Variants in TNIK observed in about 807,000 individuals in gnomAD.
The protein encoded by TNIK is TRAF2 and NCK-interacting protein kinase.
In TNIK, 49 loss-of-function variants were observed where a neutral mutation model predicts 191.3. The observed-to-expected ratio is 0.26, with a 90% CI of 0.20 to 0.32. TNIK has a LOEUF of 0.32. TNIK is among the 10% of genes least tolerant of loss of function. The probability of loss-of-function intolerance (pLI) is 1.00; values close to 1 mark genes in which losing one functional copy is unlikely to be tolerated. For missense variants in TNIK, 1,155 were observed against 1,702.3 expected (o/e 0.68, Z 5.66); for synonymous variants, 594 against 600.9 (o/e 0.99, Z 0.17).
chr3:171,307,990 G>A (rs1560406533), intron 2 of TNIK, among the ~76,000 whole-genome samples: 1 of 151,962 alleles, frequency 6.6e-6, no homozygotes, highest in East Asian at 1.9e-4. Flanking sequence ...TGTTAAATTG[G>A]CCATCCTATC....
chr3:171,275,846 G>A (rs557929186), intron 2 of TNIK, among the ~76,000 whole-genome samples: 5 of 152,126 alleles, frequency 3.3e-5, no homozygotes, highest in South Asian at 2.1e-4. Context: ...GCAGTGAGCC[G>A]AGATCGTGCC....
At chr3:171,397,230 A>G (rs1720368709) in intron 1 of TNIK, among the ~76,000 whole-genome samples, 1 of 152,142 alleles carries the variant, frequency 6.6e-6, no homozygotes, top group Admixed American at 6.5e-5. Context: ...TGATTTTCCT[A>G]CTCAACACTT....
At chr3:171,337,972 G>GA (rs1452100138) in intron 2 of TNIK, among the ~76,000 whole-genome samples, 1 of 152,168 alleles carries the variant, frequency 6.6e-6, no homozygotes, top group Admixed American at 6.5e-5. Flanking sequence ...AAGCAGAAGG[G>GA]AGAGAAGCTG....
intron 1 of TNIK, among the ~76,000 whole-genome samples, chr3:171,409,343 G>A (rs933699706): frequency 2.0e-5 from 3 of 152,002 alleles, no homozygotes; most frequent in South Asian, 2.1e-4. Context: ...CAAAGTGTCC[G>A]GCACATGGAA....
intron 14 of TNIK, among the ~76,000 whole-genome samples, 175 bp from the exon 15 acceptor site, chr3:171,138,554 TTGTGTTAGTATCTACACAAGAA>T (rs1278334945): frequency 1.8e-4 from 28 of 152,048 alleles, no homozygotes; most frequent in African/African-American, 6.8e-4. Context: ...AGCTACTGCC[TTGTGTTAGTATCTACACAAGAA>T]TGTGTCATTT....
At chr3:171,097,576 A>ACAT (rs898930137) in intron 22 of TNIK, among the ~76,000 whole-genome samples, 1 of 152,124 alleles carries the variant, frequency 6.6e-6, no homozygotes, top group African/African-American at 2.4e-5. Flanking sequence ...AAATCTCAGG[A>ACAT]CATCTGATGG....
intron 2 of TNIK, among the ~76,000 whole-genome samples, chr3:171,237,155 T>C (rs1473480559): frequency 6.6e-6 from 1 of 152,114 alleles, no homozygotes; most frequent in African/African-American, 2.4e-5. Flanking sequence ...TTCCCAGCTA[T>C]CATTCTTGGG....
intron 2 of TNIK, among the ~76,000 whole-genome samples, chr3:171,234,449 G>A (rs144352507): frequency 7.4e-4 from 113 of 152,268 alleles, no homozygotes; most frequent in African/African-American, 2.7e-3. Context: ...GACTCAGGAT[G>A]GTGCCCAAGC....
intron 23 of TNIK, among the ~76,000 whole-genome samples, chr3:171,089,473 C>T (rs1164788789): frequency 6.6e-6 from 1 of 152,144 alleles, no homozygotes; most frequent in African/African-American, 2.4e-5. Flanking sequence ...TTTGGCCTCT[C>T]TTGTATCAGC....
At chr3:171,114,740 G>A (rs1160320596) in intron 18 of TNIK, among the ~76,000 whole-genome samples, 1 of 152,096 alleles carries the variant, frequency 6.6e-6, no homozygotes, top group Non-Finnish European at 1.5e-5. Context: ...AGTGATCATT[G>A]GTAAACTTAA....
chr3:171,361,786 A>G (rs1219530909), intron 2 of TNIK, among the ~76,000 whole-genome samples: 1 of 152,202 alleles, frequency 6.6e-6, no homozygotes, highest in Non-Finnish European at 1.5e-5. Context: ...TTACATGTAC[A>G]TAGGAATTTA....
At chr3:171,234,741 G>A (rs1744057784) in intron 2 of TNIK, among the ~76,000 whole-genome samples, 1 of 152,200 alleles carries the variant, frequency 6.6e-6, no homozygotes, top group Non-Finnish European at 1.5e-5. Context: ...GCAGACAATA[G>A]TTAATGTATG....
rs1718058768 is a variant in TNIK, at chr3:171,063,616, G to C, written c.*265C>G. ...TTGTTTCTATCCCTAATTCCGAAGG[G>C]CACATGGTCCATCTTTGTCCACAGA... On this transcript the variant is annotated 3_prime_UTR_variant, in exon 33 of 33. Coordinates refer to ENST00000436636, the MANE Select transcript of TNIK (RefSeq NM_015028.4). The C allele has an allele frequency of 2.7e-6, 1 of 375,646 alleles. No homozygotes were observed. Among genetic ancestry groups the C allele is most frequent in the Admixed American group, 4.3e-5 (1 of 23,106 alleles). The allele number at this position is 375,646 out of a possible 1,614,324, so 23.3% of individuals were successfully genotyped here.
chr3:171,339,187 A>G (rs192319256), intron 2 of TNIK, among the ~76,000 whole-genome samples: 74 of 152,352 alleles, frequency 4.9e-4, no homozygotes, highest in African/African-American at 1.5e-3. Flanking sequence ...TTCAGGTGTC[A>G]GCCCTGAACC....
intron 6 of TNIK, 102 bp downstream of exon 6, chr3:171,190,595 T>G: frequency 2.2e-6 from 2 of 891,766 alleles, no homozygotes; most frequent in Non-Finnish European, 3.3e-6. Flanking sequence ...AGGGCAATGC[T>G]CTCCAAATCC....
chr3:171,270,043 T>C (rs1054957074), intron 2 of TNIK, among the ~76,000 whole-genome samples: 2 of 152,076 alleles, frequency 1.3e-5, no homozygotes, highest in Non-Finnish European at 2.9e-5. Context: ...CCCACACACA[T>C]ATTCACACAT....
intron 1 of TNIK, among the ~76,000 whole-genome samples, chr3:171,373,954 A>G (rs1283197115): frequency 1.3e-5 from 2 of 152,108 alleles, no homozygotes; most frequent in African/African-American, 4.8e-5. Flanking sequence ...CCTCTCTTAC[A>G]TTTCTCTCCC....
chr3:171,236,924 T>C (rs1344585703), intron 2 of TNIK, among the ~76,000 whole-genome samples: 1 of 152,128 alleles, frequency 6.6e-6, no homozygotes, highest in African/African-American at 2.4e-5. Flanking sequence ...ACAGACACGA[T>C]AGGCTGGGGG....
rs1717668998 is a variant in TNIK, at chr3:171,059,825, A to C, written c.*4056T>G. ...TGGTTATGTTTTGCTTGATTTGGTT[A>C]GATTTAAATTTTGAAGAATGAACTA... On this transcript the variant is annotated 3_prime_UTR_variant, in exon 33 of 33. Coordinates refer to ENST00000436636, the MANE Select transcript of TNIK (RefSeq NM_015028.4). 6.6e-6 allele frequency among the ~76,000 whole-genome samples: 1 copy of C among 152,136 alleles called. No individual in the cohort carries two copies.
Sources: gnomAD v4.1 joint callset for allele counts (sites outside exome capture counted in the v4.1 genomes callset) on GRCh38, gnomAD v4.1.1 for gene constraint, MANE v1.5 for transcripts, NCBI Gene and HGNC (gene_info 2026-07-23, HGNC 2026-07-21) for gene names.